Variants in TUT7 observed in about 807,000 individuals in gnomAD.
TUT7 encodes terminal uridylyl transferase 7.
In TUT7, 33 loss-of-function variants were observed where a neutral mutation model predicts 165.9. The observed-to-expected ratio is 0.20, with a 90% CI of 0.15 to 0.27. The LOEUF (loss-of-function observed/expected upper bound fraction) is 0.27, where lower values mean the gene tolerates loss of function less well. Ranked by LOEUF, TUT7 falls within the 10% of genes least tolerant of loss-of-function variation. TUT7 has a pLI of 1.00. For missense variants in TUT7, 1,338 were observed against 1,762.3 expected, an observed-to-expected ratio of 0.76 and a Z score of 4.31; for synonymous variants, 552 against 608.1, an observed-to-expected ratio of 0.91 and a Z score of 1.36.
rs202154191 is a variant in TUT7, at chr9:86,343,116, T to C, written c.1045A>G (p.Lys349Glu). The change falls in exon 6 of 27, where the codon AAA becomes GAA. Residue 349 changes from lysine to glutamate, a missense_variant. Lys to Glu is a moderately conservative substitution (Grantham distance 56). Coordinates refer to ENST00000375963, the MANE Select transcript of TUT7 (RefSeq NM_024617.4). Reference protein sequence around the residue: ...YGSSCSRLGFKNSDVNIDIQF... With the variant: ...YGSSCSRLGFENSDVNIDIQF... ...ATGTCAATGTTTACATCCGAATTTT[T>C]GAAACCCAATCTGCTACAGGATGAC... 257 of 1,604,172 alleles carry C rather than the reference T, an allele frequency of 1.6e-4. 2 individuals carry two copies. The South Asian group carries it at 2.7e-3, about 17-fold the overall frequency.
At position 86,311,337 on chromosome 9, in the gene TUT7, A is replaced by G. The variant is rs534747209; in HGVS notation, c.3275-528T>C. Reference sequence around the variant, plus strand: ...AGCTAAGCTTTGAAAAAGAGGGAGAAAAACCAGCAAAAATAGTGGCAGTTG... The same window carrying G: ...AGCTAAGCTTTGAAAAAGAGGGAGAGAAACCAGCAAAAATAGTGGCAGTTG... On this transcript the variant is annotated intron_variant, in intron 17 of 26. Coordinates refer to ENST00000375963, the MANE Select transcript of TUT7 (RefSeq NM_024617.4). The surrounding 1 kb of genome is among the most constrained non-coding windows in gnomAD (Gnocchi z 4.4). Among the ~76,000 whole-genome samples, 2 of 152,316 alleles carry G rather than the reference A, an allele frequency of 1.3e-5. No individual in the cohort carries two copies. The highest frequency in any genetic ancestry group is 4.8e-5 in the African/African-American group (2 of 41,566).
Position 86,328,389 on chromosome 9 carries a change from C to G in TUT7, c.1559G>C (p.Gly520Ala), listed in dbSNP as rs892757541. 2.5e-6 allele frequency: 4 copies of G among 1,611,400 alleles called. No individual in the cohort carries two copies. Among genetic ancestry groups the G allele is most frequent in the Non-Finnish European group, 3.4e-6 (4 of 1,178,636 alleles). Residue 520 changes from glycine (G) to alanine (A), a missense_variant, in exon 11 of 27, where the codon GGC becomes GCC. By Grantham distance (60) the Gly-to-Ala change is moderately conservative (BLOSUM62 0). Around this residue, in one of 7 missense-constraint regions of TUT7, gnomAD observed 53 missense variants for 46.3 expected, o/e 1.15. Coordinates refer to ENST00000375963, the MANE Select transcript of TUT7 (RefSeq NM_024617.4). The stretch of plus-strand genomic sequence containing the variant: ...TCTTGGTGCCTCTTCTTTTGTTATG[C>G]CTGTGTCCCCTGCAGCACTGTCAGT... The part of the protein sequence containing the change: ...EHTDSAAGDT[G>A]ITKEEAPRET...
At chr9:86,342,268 G>A (rs1440472206) in intron 6 of TUT7, among the ~76,000 whole-genome samples, 1 of 152,134 alleles carries the variant, frequency 6.6e-6, no homozygotes, top group African/African-American at 2.4e-5. Context: ...TGGGATTAGA[G>A]GGTGAAGCCA....
Position 86,350,518 on chromosome 9 carries a change from G to A in TUT7, c.520+2162C>T, listed in dbSNP as rs7022980. ...AAATTATCAAGAAATATTCGGCTCC[G>A]CCGTCAGGATTTCAGGTCCAGCGAG... On this transcript the variant is annotated intron_variant, in intron 2 of 26. Transcript: ENST00000375963. 8.0e-3 allele frequency among the ~76,000 whole-genome samples: 1,225 copies of A among 152,308 alleles called. 20 individuals are homozygous for A. Among genetic ancestry groups the A allele is most frequent in the African/African-American group, 0.028 (1,165 of 41,562 alleles).
intron 2 of TUT7, among the ~76,000 whole-genome samples, chr9:86,349,073 GT>G (rs769602931): frequency 1.3e-5 from 2 of 152,100 alleles, no homozygotes; most frequent in African/African-American, 2.4e-5. Context: ...GAGGTCGGGA[GT>G]TCGAGACCAT....
intron 13 of TUT7, 101 bp downstream of exon 13, chr9:86,322,772 C>CCAAACAGG: frequency 7.4e-7 from 1 of 1,352,068 alleles, no homozygotes; most frequent in Non-Finnish European, 9.9e-7. Context: ...TTGTTCAACA[C>CCAAACAGG]TACCAAAATA....
chr9:86,350,602 C>T (rs1274564026), intron 2 of TUT7, among the ~76,000 whole-genome samples: 1 of 152,204 alleles, frequency 6.6e-6, no homozygotes. Flanking sequence ...CCTCATTTAC[C>T]GCGCTGCATA....
intron 4 of TUT7, among the ~76,000 whole-genome samples, chr9:86,345,364 G>C (rs377720276): frequency 1.0e-3 from 152 of 152,296 alleles, no homozygotes; most frequent in Non-Finnish European, 1.9e-3. Context: ...GGCATAAGGA[G>C]AAAGTGTAAG....
intron 16 of TUT7, among the ~76,000 whole-genome samples, chr9:86,318,432 C>G (rs1031598906): frequency 6.6e-6 from 1 of 152,204 alleles, no homozygotes; most frequent in Admixed American, 6.5e-5. Context: ...CGTTTGCTAA[C>G]TCCTGACCCA....
chr9:86,301,223 A>G, intron 26 of TUT7, 53 bp downstream of exon 26: 1 of 1,468,294 alleles, frequency 6.8e-7, no homozygotes, highest in Non-Finnish European at 9.3e-7. Flanking sequence ...TCTAAAAAGC[A>G]GATTTCCCTT....
At chr9:86,290,418 A>G (rs1333597488) in intron 26 of TUT7, among the ~76,000 whole-genome samples, 1 of 152,212 alleles carries the variant, frequency 6.6e-6, no homozygotes, top group Non-Finnish European at 1.5e-5. Context: ...CAGCCAGGGA[A>G]TTCAGTAAGA....
chr9:86,344,802 T>C (rs1831614309), intron 5 of TUT7, 175 bp downstream of exon 5: 2 of 607,520 alleles, frequency 3.3e-6, no homozygotes, highest in Non-Finnish European at 5.6e-6. Flanking sequence ...ACAATGCATA[T>C]GAAAGTCCTT....
chr9:86,352,421 C>T, intron 2 of TUT7: 1 of 551,812 alleles, frequency 1.8e-6, no homozygotes, highest in Non-Finnish European at 3.2e-6. Flanking sequence ...AAACACGTTA[C>T]AGAAAACATG....
chr9:86,353,343 C>T, intron 1 of TUT7, 113 bp from the exon 2 acceptor site: 1 of 829,498 alleles, frequency 1.2e-6, no homozygotes, highest in East Asian at 2.9e-5. Context: ...AAGAAACTCC[C>T]TATTTTTTTA....
chr9:86,344,723 A>G lies in TUT7; in HGVS notation c.997+254T>C, dbSNP rs116215894. On this transcript the variant is annotated intron_variant, in intron 5 of 26. Transcript: ENST00000375963. ...TACACAAGAGTCCCACAGTGCCCCAATAATGCAGGGCATTCAACTTAAAGT... is the reference window on the plus strand; with the variant it reads ...TACACAAGAGTCCCACAGTGCCCCAGTAATGCAGGGCATTCAACTTAAAGT... The G allele has an allele frequency of 8.5e-4, 381 of 446,718 alleles. 3 individuals are homozygous for G. Among genetic ancestry groups the G allele is most frequent in the African/African-American group, 6.9e-3 (337 of 49,042 alleles). The allele number at this position is 446,718 out of a possible 1,614,324, so 27.7% of individuals were successfully genotyped here. A position where few individuals can be genotyped will look rare whatever the true frequency, so the allele number is the denominator to read the frequency against.
At chr9:86,346,526 C>A in intron 2 of TUT7, 46 bp from the exon 3 acceptor site, 1 of 1,557,660 alleles carries the variant, frequency 6.4e-7, no homozygotes. Context: ...AATAATGCCA[C>A]TCCTGAGTAA....
At chr9:86,350,345 T>C (rs1181343125) in intron 2 of TUT7, among the ~76,000 whole-genome samples, 1 of 151,980 alleles carries the variant, frequency 6.6e-6, no homozygotes, top group African/African-American at 2.4e-5. Flanking sequence ...AAGAGAATAA[T>C]AATAATAAAA....
intron 25 of TUT7, 21 bp downstream of exon 25, chr9:86,303,064 AC>A: frequency 8.3e-7 from 1 of 1,199,862 alleles, no homozygotes; most frequent in Non-Finnish European, 1.2e-6. Flanking sequence ...AACACAACCA[AC>A]CCCTTTGAAC....
intron 2 of TUT7, among the ~76,000 whole-genome samples, chr9:86,348,768 A>AC: frequency 6.6e-6 from 1 of 152,092 alleles, no homozygotes; most frequent in South Asian, 2.1e-4. Context: ...AAACAAACAA[A>AC]AAAAGGATGA....
Sources: gnomAD v4.1 joint callset for allele counts (sites outside exome capture counted in the v4.1 genomes callset) on GRCh38, gnomAD v4.1.1 for gene constraint, gnomAD v4.1.1 regional missense constraint, Gnocchi (gnomAD v3.1) non-coding constraint, MANE v1.5 for transcripts, NCBI Gene and HGNC (gene_info 2026-07-23, HGNC 2026-07-21) for gene names.